PAK1: variants seen among roughly 807,000 people sequenced by gnomAD.
PAK1 encodes p21 (RAC1) activated kinase 1.
Under a neutral mutation model 67.4 loss-of-function variants are expected in PAK1, and 29 were observed. That is an observed-to-expected ratio of 0.43 (90% CI 0.32 to 0.59). The LOEUF (loss-of-function observed/expected upper bound fraction) is 0.59, where lower values mean the gene tolerates loss of function less well. PAK1 is among the 20% of genes least tolerant of loss of function. PAK1 has a pLI of 0.07. For missense variants in PAK1, 337 were observed against 670.7 expected, an observed-to-expected ratio of 0.50 and a Z score of 5.50; for synonymous variants, 223 against 237.4, an observed-to-expected ratio of 0.94 and a Z score of 0.56.
At chr11:77,523,551 C>T in the PAK1 span, among the ~76,000 whole-genome samples, 1 of 151,956 alleles carries the variant, frequency 6.6e-6, no homozygotes. Context: ...TCCCGAGTAG[C>T]TGGGACTACA....
intron 8 of PAK1, 110 bp from the exon 9 acceptor site, chr11:77,349,397 G>A: frequency 1.2e-6 from 1 of 816,586 alleles, no homozygotes; most frequent in Non-Finnish European, 2.1e-6. Context: ...AACAAGAGCA[G>A]TAAAAATAAT....
At chr11:77,513,670 CAAAAAAAAA>C in the PAK1 span, among the ~76,000 whole-genome samples, 26 of 52,936 alleles carry the variant, frequency 4.9e-4, no homozygotes, top group Non-Finnish European at 6.3e-4. Context: ...GACTCTGTCT[CAAAAAAAAA>C]AAAAAAAAAA....
At position 77,323,017 on chromosome 11, in the gene PAK1, A is replaced by T; in HGVS notation, c.*257T>A. On this transcript the variant is annotated 3_prime_UTR_variant, in exon 15 of 15. Coordinates refer to ENST00000356341, the MANE Select transcript of PAK1 (RefSeq NM_002576.5). ...GAAACATTTATTTATATAAACCCTT[A>T]ATCATAAACCACCCTCATATCCATG... The T allele has an allele frequency of 1.5e-6, 1 of 687,664 alleles. No individual in the cohort carries two copies. The highest frequency in any genetic ancestry group is 2.6e-6 in the Non-Finnish European group (1 of 388,320). 42.6% of individuals were successfully genotyped at this position (687,664 alleles called of 1,614,324 possible).
In PAK1 at chr11:77,406,287, T is replaced by C. The variant is rs191412233; in HGVS notation, c.-21-13746A>G. On this transcript the variant is annotated intron_variant, in intron 1 of 14. Coordinates refer to ENST00000356341, the MANE Select transcript of PAK1 (RefSeq NM_002576.5). The stretch of plus-strand genomic sequence containing the variant: ...TAGACAACTCCACCTGCGTTTCTCA[T>C]CAGTACCTCAAATCTAACAAGACCA... 5.3e-5 allele frequency among the ~76,000 whole-genome samples: 8 copies of C among 152,368 alleles called. No individual in the cohort carries two copies. The East Asian group carries it at 1.3e-3, about 26-fold the overall frequency.
intron 1 of PAK1, among the ~76,000 whole-genome samples, chr11:77,459,679 C>CTCTTCT (rs202235813): frequency 0.035 from 5,064 of 142,720 alleles, 195 homozygotes; most frequent in Non-Finnish European, 0.054. Flanking sequence ...AACAGAGGGG[C>CTCTTCT]TCTTCTTCTT....
At chr11:77,377,762 G>C (rs1411194728) in intron 4 of PAK1, among the ~76,000 whole-genome samples, 1 of 152,140 alleles carries the variant, frequency 6.6e-6, no homozygotes, top group Non-Finnish European at 1.5e-5. Context: ...GGCCACTGAG[G>C]TTTTCAAAGA....
chr11:77,459,845 C>G (rs533983504), intron 1 of PAK1, among the ~76,000 whole-genome samples: 1 of 151,936 alleles, frequency 6.6e-6, no homozygotes, highest in East Asian at 1.9e-4. Flanking sequence ...TACAGGCGCC[C>G]GCCACCGCGC....
chr11:77,396,104 C>T (rs1165639757), intron 1 of PAK1, among the ~76,000 whole-genome samples: 2 of 152,196 alleles, frequency 1.3e-5, no homozygotes, highest in Non-Finnish European at 1.5e-5. Context: ...AAAGGTTTCA[C>T]CAACCTTCCT....
At chr11:77,456,993 G>A (rs1173397603) in intron 1 of PAK1, among the ~76,000 whole-genome samples, 2 of 152,000 alleles carry the variant, frequency 1.3e-5, no homozygotes, top group Non-Finnish European at 2.9e-5. Context: ...CGCCCGCCTC[G>A]GCCTCCCAAA....
chr11:77,341,097 C>A (rs538103121), intron 10 of PAK1, among the ~76,000 whole-genome samples: 1 of 152,088 alleles, frequency 6.6e-6, no homozygotes, highest in Non-Finnish European at 1.5e-5. Context: ...TGACATGATT[C>A]CCACACCTCT....
chr11:77,412,117 A>T (rs1031037696), intron 1 of PAK1: 3 of 152,206 alleles, frequency 2.0e-5, no homozygotes, highest in Non-Finnish European at 4.4e-5. Context: ...TATTCTCCCC[A>T]CCCAGTCTCC....
At chr11:77,365,325 T>TA (rs1482579446) in intron 5 of PAK1, among the ~76,000 whole-genome samples, 20 of 108,062 alleles carry the variant, frequency 1.9e-4, no homozygotes, top group Admixed American at 3.6e-4. Context: ...AGAACTGAGG[T>TA]AAAAAAAAAT....
At chr11:77,366,565 G>T (rs1947612507) in intron 5 of PAK1, among the ~76,000 whole-genome samples, 1 of 152,194 alleles carries the variant, frequency 6.6e-6, no homozygotes, top group South Asian at 2.1e-4. Context: ...ATGTGAAGTA[G>T]ATTGTATATA....
chr11:77,391,806 G>A (rs937105136), intron 2 of PAK1, among the ~76,000 whole-genome samples: 1 of 152,096 alleles, frequency 6.6e-6, no homozygotes, highest in Non-Finnish European at 1.5e-5. Context: ...AGGCTGCCCA[G>A]GATAATTTAT....
the PAK1 span, among the ~76,000 whole-genome samples, chr11:77,506,538 T>C: frequency 2.6e-5 from 4 of 152,190 alleles, no homozygotes; most frequent in African/African-American, 7.2e-5. Flanking sequence ...ATTTGTATTT[T>C]ATAATCATCC....
intron 1 of PAK1, among the ~76,000 whole-genome samples, chr11:77,439,061 G>C (rs1266618446): frequency 6.6e-6 from 1 of 152,156 alleles, no homozygotes; most frequent in South Asian, 2.1e-4. Context: ...CCTCATGTGA[G>C]AGGCCAGTGA....
Position 77,323,371 on chromosome 11 carries a change from G to A in PAK1, c.1552-11C>T. 2 of 1,527,112 alleles carry A rather than the reference G, an allele frequency of 1.3e-6. No homozygotes were observed. The highest frequency in any genetic ancestry group is 1.8e-6 in the Non-Finnish European group (2 of 1,100,732). The allele number at this position is 1,527,112 out of a possible 1,614,324, so 94.6% of individuals were successfully genotyped here. A position where few individuals can be genotyped will look rare whatever the true frequency, so the allele number is the denominator to read the frequency against. On this transcript the variant is annotated splice_polypyrimidine_tract_variant and intron_variant, in intron 14 of 14. Coordinates refer to ENST00000356341, the MANE Select transcript of PAK1 (RefSeq NM_002576.5). ...CTTCAGGAATTGATGCTAGAAAGGA[G>A]AAAAATAGCAAAAGACACATGACTA...
chr11:77,384,789 A>C (rs1003016382), intron 2 of PAK1, among the ~76,000 whole-genome samples: 2 of 152,164 alleles, frequency 1.3e-5, no homozygotes, highest in East Asian at 3.8e-4. Context: ...TTCTTTCTGG[A>C]GTGATGAAAA....
the PAK1 span, among the ~76,000 whole-genome samples, chr11:77,516,838 CAAA>C: frequency 0.017 from 1,616 of 95,390 alleles, 31 homozygotes; most frequent in African/African-American, 0.063. Flanking sequence ...CCCCATCTCT[CAAA>C]AAAAAAAAAA....
Sources: allele counts gnomAD v4.1 joint callset (sites outside exome capture counted in the v4.1 genomes callset), GRCh38; gene constraint gnomAD v4.1.1; transcripts MANE v1.5; gene names NCBI Gene and HGNC (gene_info 2026-07-23, HGNC 2026-07-21).